Variants in AHCYL1 observed in about 807,000 individuals in gnomAD.
The protein encoded by AHCYL1 is adenosylhomocysteinase like 1, also known as S-adenosylhomocysteine hydrolase-like protein 1.
A neutral mutation model predicts 79.3 loss-of-function variants in AHCYL1; 20 were observed. That is an observed-to-expected ratio of 0.25 (90% CI 0.18 to 0.37). The LOEUF is 0.37. Among genes scored for constraint, AHCYL1 ranks in the 10% least tolerant of loss-of-function variants. AHCYL1 has a pLI of 1.00. For missense variants in AHCYL1, 330 were observed against 673.6 expected (o/e 0.49, Z 5.65); for synonymous variants, 223 against 242.2 (o/e 0.92, Z 0.74).
At chr1:109,992,623 A>G (rs980534296) in intron 1 of AHCYL1, among the ~76,000 whole-genome samples, 1 of 152,194 alleles carries the variant, frequency 6.6e-6, no homozygotes, top group Non-Finnish European at 1.5e-5. Flanking sequence ...AAGAGAGGTC[A>G]GTAAGTAGAC....
intron 1 of AHCYL1, among the ~76,000 whole-genome samples, chr1:109,988,956 G>A (rs1055937172): frequency 3.3e-5 from 5 of 152,164 alleles, no homozygotes; most frequent in African/African-American, 9.7e-5. Flanking sequence ...TTAATTTTTG[G>A]TGCAGTTGTA....
In AHCYL1 at chr1:109,985,419, T is replaced by A. The variant is rs1347953339; in HGVS notation, c.120+247T>A. 4.1e-6 allele frequency: 5 copies of A among 1,225,072 alleles called. No individual in the cohort carries two copies. In the African/African-American group the frequency reaches 7.9e-5, roughly 19 times the overall value. The allele number at this position is 1,225,072 out of a possible 1,614,324, so 75.9% of individuals were successfully genotyped here. A position where few individuals can be genotyped will look rare whatever the true frequency, so the allele number is the denominator to read the frequency against. Reference sequence around the variant, plus strand: ...TTTGAAACCCGACAGGGCCAGGCCTTAAATTTGCGACTGACTTTTCCTGGA... The same window carrying A: ...TTTGAAACCCGACAGGGCCAGGCCTAAAATTTGCGACTGACTTTTCCTGGA... On this transcript the variant is annotated intron_variant, in intron 1 of 16. Coordinates refer to ENST00000369799, the MANE Select transcript of AHCYL1 (RefSeq NM_006621.7).
At chr1:110,014,071 G>T (rs565974816) in intron 5 of AHCYL1, among the ~76,000 whole-genome samples, 1 of 152,014 alleles carries the variant, frequency 6.6e-6, no homozygotes, top group South Asian at 2.1e-4. Context: ...AAAGTGCTGG[G>T]ATTACAGGCG....
chr1:110,021,966 T>A lies in AHCYL1; in HGVS notation c.*286T>A. 2.7e-6 allele frequency: 1 copy of A among 375,906 alleles called. No individual in the cohort carries two copies. The highest frequency in any genetic ancestry group is 4.7e-6 in the Non-Finnish European group (1 of 210,760). The allele number at this position is 375,906 out of a possible 1,614,324, so 23.3% of individuals were successfully genotyped here. On this transcript the variant is annotated 3_prime_UTR_variant, in exon 17 of 17. Coordinates refer to ENST00000369799, the MANE Select transcript of AHCYL1 (RefSeq NM_006621.7). ...CTTTCTTTACCATTTCTGGGGACTT[T>A]AGTCTTAATTAGGTACCTTATTAAC...
intron 1 of AHCYL1, among the ~76,000 whole-genome samples, chr1:110,003,640 C>T (rs560344490): frequency 9.3e-5 from 14 of 151,232 alleles, no homozygotes; most frequent in African/African-American, 2.9e-4. Context: ...AAATCAATAT[C>T]GGGAGAAACA....
intron 7 of AHCYL1, 152 bp downstream of exon 7, chr1:110,015,683 G>C (rs1293072337): frequency 8.0e-6 from 5 of 628,562 alleles, no homozygotes; most frequent in Non-Finnish European, 1.1e-5. Context: ...GAAAAATCAA[G>C]TTGATCCTAG....
In AHCYL1 at chr1:109,984,897, GC is replaced by G; in HGVS notation, c.-154del. On this transcript the variant is annotated 5_prime_UTR_variant, in exon 1 of 17. Coordinates refer to ENST00000369799, the MANE Select transcript of AHCYL1 (RefSeq NM_006621.7). ...GGGCTGCCGAACAGACAAGGCGTGG[GC>G]CACAGCACCTCAGAAGCCGACGCAG... is the stretch of plus-strand genomic sequence containing the variant. 8.3e-7 allele frequency: 1 copy of G among 1,208,502 alleles called. No homozygotes were observed. The highest frequency in any genetic ancestry group is 1.1e-6 in the Non-Finnish European group (1 of 945,214). The allele number at this position is 1,208,502 out of a possible 1,614,324, so 74.9% of individuals were successfully genotyped here.
chr1:109,987,353 G>T (rs1224350307), intron 1 of AHCYL1, among the ~76,000 whole-genome samples: 2 of 152,194 alleles, frequency 1.3e-5, no homozygotes, highest in African/African-American at 2.4e-5. Context: ...AGGGAAAAAA[G>T]TAACTTGGCA....
At chr1:109,999,967 G>A (rs1650222721) in intron 1 of AHCYL1, among the ~76,000 whole-genome samples, 1 of 152,106 alleles carries the variant, frequency 6.6e-6, no homozygotes, top group African/African-American at 2.4e-5. Context: ...TTTTTGAGTG[G>A]CACACCACAG....
intron 5 of AHCYL1, among the ~76,000 whole-genome samples, chr1:110,013,652 G>A (rs1251876278): frequency 6.6e-6 from 1 of 152,002 alleles, no homozygotes; most frequent in East Asian, 1.9e-4. Context: ...AGAGGCTGCA[G>A]TGAGCCGAGA....
Position 110,021,788 on chromosome 1 carries a change from T to C in AHCYL1, c.*108T>C. On this transcript the variant is annotated 3_prime_UTR_variant, in exon 17 of 17. Coordinates refer to ENST00000369799, the MANE Select transcript of AHCYL1 (RefSeq NM_006621.7). ...ACTCCTTTCCTCTTGATTTTTTTCC[T>C]ATAATTTCATTCTTGTTTTTTCATC... 5 of 1,245,358 alleles carry C rather than the reference T, an allele frequency of 4.0e-6. No individual in the cohort carries two copies. Among genetic ancestry groups the C allele is most frequent in the East Asian group, 2.5e-5 (1 of 39,786 alleles). The allele number at this position is 1,245,358 out of a possible 1,614,324, so 77.1% of individuals were successfully genotyped here.
chr1:110,016,642 G>A (rs765980253), intron 8 of AHCYL1, 25 bp from the exon 9 acceptor site: 144 of 1,613,818 alleles, frequency 8.9e-5, no homozygotes, highest in Non-Finnish European at 1.2e-4. Context: ...TAACGTTTGA[G>A]TTGAGCCCTT....
At chr1:110,014,350 GA>G (rs1450106821) in intron 5 of AHCYL1, among the ~76,000 whole-genome samples, 2 of 152,132 alleles carry the variant, frequency 1.3e-5, no homozygotes, top group Non-Finnish European at 2.9e-5. Flanking sequence ...CCATGTCACT[GA>G]AAACTTTGAC....
At chr1:110,015,834 A>G (rs946699052) in intron 7 of AHCYL1, among the ~76,000 whole-genome samples, 15 of 152,238 alleles carry the variant, frequency 9.9e-5, no homozygotes, top group Non-Finnish European at 1.9e-4. Flanking sequence ...ATCATTTTAT[A>G]TTTGAAATAT....
chr1:110,001,975 C>T (rs1031759353), intron 1 of AHCYL1, among the ~76,000 whole-genome samples: 3 of 152,126 alleles, frequency 2.0e-5, no homozygotes, highest in African/African-American at 4.8e-5. Flanking sequence ...AACCTTGACA[C>T]GTCACTCAGT....
chr1:110,003,945 TTTA>T lies in AHCYL1; in HGVS notation c.121-5088_121-5086del, dbSNP rs1414070193. Reference sequence around the variant, plus strand: ...ATAGTGAAGTGAAGTCAGTGAAGTGTTTAGTCTTACAGGAAGAGAGGGGAGTAG... The same window carrying T: ...ATAGTGAAGTGAAGTCAGTGAAGTGTGTCTTACAGGAAGAGAGGGGAGTAG... On this transcript the variant is annotated intron_variant, in intron 1 of 16. Coordinates refer to ENST00000369799, the MANE Select transcript of AHCYL1 (RefSeq NM_006621.7). The T allele has an allele frequency of 5.1e-6, 5 of 985,240 alleles. No homozygotes were observed. The African/African-American group carries it at 8.7e-5, about 17-fold the overall frequency. The allele number at this position is 985,240 out of a possible 1,614,324, so 61.0% of individuals were successfully genotyped here. A position where few individuals can be genotyped will look rare whatever the true frequency, so the allele number is the denominator to read the frequency against.
chr1:110,009,036 A>G lies in AHCYL1; in HGVS notation c.123A>G (p.Gln41=), dbSNP rs909320326. The G allele has an allele frequency of 1.9e-6, 3 of 1,612,722 alleles. No individual in the cohort carries two copies. The highest frequency in any genetic ancestry group is 2.5e-6 in the Non-Finnish European group (3 of 1,179,022). Residue 41 remains glutamine, a splice_region_variant and synonymous_variant, in exon 2 of 17, where the codon CAA becomes CAG. Coordinates refer to ENST00000369799, the MANE Select transcript of AHCYL1 (RefSeq NM_006621.7). ...CTTTTTGTCTTCCTTTTGTATAGCAAATCCAGTTTGCTGATGACATGCAGG... is the reference window on the plus strand; with the variant it reads ...CTTTTTGTCTTCCTTTTGTATAGCAGATCCAGTTTGCTGATGACATGCAGG... ...MATVTKAPKK[Q]IQFADDMQEF...
At chr1:110,020,260 C>T (rs1651706369) in intron 15 of AHCYL1, among the ~76,000 whole-genome samples, 1 of 152,184 alleles carries the variant, frequency 6.6e-6, no homozygotes, top group African/African-American at 2.4e-5. Flanking sequence ...TCTGTGCCGA[C>T]TACCTTAGAA....
intron 1 of AHCYL1, among the ~76,000 whole-genome samples, chr1:109,996,481 A>G (rs1456937405): frequency 6.6e-6 from 1 of 152,196 alleles, no homozygotes; most frequent in Non-Finnish European, 1.5e-5. Flanking sequence ...TTGTGAGGTT[A>G]TTATTTGGAT....
Sources: gnomAD v4.1 joint callset for allele counts (sites outside exome capture counted in the v4.1 genomes callset) on GRCh38, gnomAD v4.1.1 for gene constraint, MANE v1.5 for transcripts, NCBI Gene and HGNC (gene_info 2026-07-23, HGNC 2026-07-21) for gene names.